RAB15: variants seen among roughly 807,000 people sequenced by gnomAD.
RAB15 encodes the protein ras-related protein Rab-15.
Under a neutral mutation model 31.8 loss-of-function variants are expected in RAB15, and 13 were observed. The observed-to-expected ratio is 0.41, with a 90% CI of 0.27 to 0.65. RAB15 has a LOEUF of 0.65. Among genes scored for constraint, RAB15 ranks in the 30% least tolerant of loss-of-function variants. The pLI is 0.32. For synonymous variants in RAB15, 100 were observed against 105.6 expected (o/e 0.95, Z 0.33); for missense variants, 220 against 277.3 (o/e 0.79, Z 1.47).
chr14:64,951,743 G>T lies in RAB15; in HGVS notation c.186-80C>A, dbSNP rs1886265956. 5 of 1,301,414 alleles carry T rather than the reference G, an allele frequency of 3.8e-6. No homozygotes were observed. In the African/African-American group the frequency reaches 4.4e-5, roughly 11 times the overall value. 80.6% of individuals were successfully genotyped at this position (1,301,414 alleles called of 1,614,324 possible). Reference sequence around the variant, plus strand: ...AGGGGAAGAGCAGAGCTGTCCCCTTGTAGGAAAAACTGGGGAGCTAAAGGG... The same window carrying T: ...AGGGGAAGAGCAGAGCTGTCCCCTTTTAGGAAAAACTGGGGAGCTAAAGGG... On this transcript the variant is annotated intron_variant, in intron 2 of 6. Transcript: ENST00000533601. The surrounding 1 kb of genome is among the most constrained non-coding windows in gnomAD (Gnocchi z 7.2).
chr14:64,953,245 G>A lies in RAB15; in HGVS notation c.125-674C>T, dbSNP rs1302905139. On this transcript the variant is annotated intron_variant, in intron 1 of 6. Transcript: ENST00000533601. This position sits in a 1 kb window ranked among gnomAD's most constrained non-coding sequence, Gnocchi z 4.6. ...TATCTCCTCCCTCTGGCCACTCATA[G>A]CTCATTGCTATAACATCAGGCACCT... Among the ~76,000 whole-genome samples the A allele has an allele frequency of 1.3e-5, 2 of 152,240 alleles. No individual in the cohort carries two copies. The highest frequency in any genetic ancestry group is 4.8e-5 in the African/African-American group (2 of 41,462).
intron 1 of RAB15, among the ~76,000 whole-genome samples, chr14:64,961,640 G>A (rs999036124): frequency 2.6e-5 from 4 of 152,134 alleles, no homozygotes; most frequent in Non-Finnish European, 5.9e-5. Context: ...AGGCATGGTG[G>A]CTCACACCTG....
rs752231438 is a variant in RAB15, at chr14:64,948,556, C to G, written c.481-44G>C. 1 of 1,600,506 alleles carries G rather than the reference C, an allele frequency of 6.2e-7. No individual in the cohort carries two copies. Among genetic ancestry groups the G allele is most frequent in the South Asian group, 1.1e-5 (1 of 88,998 alleles). ...AGGTTAGTCCAGTGTCTCCTCCTCT[C>G]CCCTGGCAACCCTGCAGCGGCCTGA... On this transcript the variant is annotated intron_variant, in intron 6 of 6. Coordinates refer to ENST00000533601, the MANE Select transcript of RAB15 (RefSeq NM_001308154.2). The surrounding 1 kb of genome is among the most constrained non-coding windows in gnomAD (Gnocchi z 7.0).
Position 64,953,691 on chromosome 14 carries a change from G to A in RAB15, c.125-1120C>T, listed in dbSNP as rs1303500562. The stretch of plus-strand genomic sequence containing the variant: ...GAGTGACAACAGAGAGATGAGGGAG[G>A]TTGTTTTGCTGACCATGCCTCTCCC... On this transcript the variant is annotated intron_variant, in intron 1 of 6. Transcript: ENST00000533601. The surrounding 1 kb of genome is among the most constrained non-coding windows in gnomAD (Gnocchi z 4.6). 1 of 583,140 alleles carries A rather than the reference G, an allele frequency of 1.7e-6. No homozygotes were observed. Among genetic ancestry groups the A allele is most frequent in the Non-Finnish European group, 2.2e-6 (1 of 462,770 alleles). 36.1% of individuals were successfully genotyped at this position (583,140 alleles called of 1,614,324 possible).
intron 5 of RAB15, among the ~76,000 whole-genome samples, chr14:64,949,335 A>G (rs1439273349): frequency 1.3e-5 from 2 of 152,226 alleles, no homozygotes; most frequent in Admixed American, 1.3e-4. Context: ...CAAACAATCA[A>G]TTTCATTTTA....
rs369973789 is a variant in RAB15, at chr14:64,950,317, C to T, written c.414+8G>A. 3 of 1,612,882 alleles carry T rather than the reference C, an allele frequency of 1.9e-6. No homozygotes were observed. The highest frequency in any genetic ancestry group is 2.2e-5 in the South Asian group (2 of 91,068). ...CCTGGGGTGGACTTGCCTTTTCCCT[C>T]CACTTACCTGCTGCCCTTGCTCTCT... On this transcript the variant is annotated splice_region_variant and intron_variant, in intron 5 of 6. Coordinates refer to ENST00000533601, the MANE Select transcript of RAB15 (RefSeq NM_001308154.2). This position sits in a 1 kb window ranked among gnomAD's most constrained non-coding sequence, Gnocchi z 5.6.
rs932327773 is a variant in RAB15, at chr14:64,953,863, G to A, written c.125-1292C>T. The stretch of plus-strand genomic sequence containing the variant: ...AGTTTTCAGATGGGAACATGGTAGA[G>A]TTCCGAACCGTCTGCCACCAGCTGC... On this transcript the variant is annotated intron_variant, in intron 1 of 6. Transcript: ENST00000533601. This position sits in a 1 kb window ranked among gnomAD's most constrained non-coding sequence, Gnocchi z 4.6. 1.8e-5 allele frequency: 18 copies of A among 985,296 alleles called. No individual in the cohort carries two copies. In the African/African-American group the frequency reaches 2.4e-4, roughly 13 times the overall value. 61.0% of individuals were successfully genotyped at this position (985,296 alleles called of 1,614,324 possible). A position where few individuals can be genotyped will look rare whatever the true frequency, so the allele number is the denominator to read the frequency against.
Position 64,952,706 on chromosome 14 carries a change from CT to C in RAB15, c.125-136del. The C allele has an allele frequency of 1.7e-6, 1 of 592,054 alleles. No individual in the cohort carries two copies. Among genetic ancestry groups the C allele is most frequent in the East Asian group, 3.1e-5 (1 of 32,528 alleles). The allele number at this position is 592,054 out of a possible 1,614,324, so 36.7% of individuals were successfully genotyped here. ...AGGGATGAAGTAATGTAAAGGCCTT[CT>C]TTAAGCAGAAACTGACCTTAAGGAA... On this transcript the variant is annotated intron_variant, in intron 1 of 6. Transcript: ENST00000533601. This position sits in a 1 kb window ranked among gnomAD's most constrained non-coding sequence, Gnocchi z 4.2.
In RAB15 at chr14:64,950,516, C is replaced by T. The variant is rs1886191337; in HGVS notation, c.325-102G>A. 9 of 1,001,054 alleles carry T rather than the reference C, an allele frequency of 9.0e-6. No individual in the cohort carries two copies. Among genetic ancestry groups the T allele is most frequent in the African/African-American group, 1.6e-5 (1 of 63,128 alleles). 62.0% of individuals were successfully genotyped at this position (1,001,054 alleles called of 1,614,324 possible). On this transcript the variant is annotated intron_variant, in intron 4 of 6. Transcript: ENST00000533601. The surrounding 1 kb of genome is among the most constrained non-coding windows in gnomAD (Gnocchi z 5.6). Reference sequence around the variant, plus strand: ...CTCCAGCCCACCACCAATTCCAGAGCCCTAGGGACAGGGTGGGCCGACTGG... The same window carrying T: ...CTCCAGCCCACCACCAATTCCAGAGTCCTAGGGACAGGGTGGGCCGACTGG...
Position 64,954,578 on chromosome 14 carries a change from T to G in RAB15, c.125-2007A>C. On this transcript the variant is annotated intron_variant, in intron 1 of 6. Coordinates refer to ENST00000533601, the MANE Select transcript of RAB15 (RefSeq NM_001308154.2). The surrounding 1 kb of genome is among the most constrained non-coding windows in gnomAD (Gnocchi z 4.3). ...ATTTATGGGAACTTCCTATGTGCCC[T>G]GCACAGTGCTCAGTGCAGACAGAGC... 1 of 945,914 alleles carries G rather than the reference T, an allele frequency of 1.1e-6. No homozygotes were observed. Among genetic ancestry groups the G allele is most frequent in the Non-Finnish European group, 1.3e-6 (1 of 793,816 alleles). The allele number at this position is 945,914 out of a possible 1,614,324, so 58.6% of individuals were successfully genotyped here.
Position 64,971,825 on chromosome 14 carries a change from A to ACTCCGGC in RAB15, c.124+121_124+127dup, listed in dbSNP as rs1463675645. 2 of 864,632 alleles carry ACTCCGGC rather than the reference A, an allele frequency of 2.3e-6. No individual in the cohort carries two copies. The highest frequency in any genetic ancestry group is 3.5e-5 in the African/African-American group (2 of 57,518). 53.6% of individuals were successfully genotyped at this position (864,632 alleles called of 1,614,324 possible). ...ATGCTCACCCCGAGATTTATCCCGGACTCCGGCCTCCGGCGCCACCGCCTC... is the reference window on the plus strand; with the variant it reads ...ATGCTCACCCCGAGATTTATCCCGGACTCCGGCCTCCGGCCTCCGGCGCCACCGCCTC... On this transcript the variant is annotated intron_variant, in intron 1 of 6. Coordinates refer to ENST00000533601, the MANE Select transcript of RAB15 (RefSeq NM_001308154.2). The surrounding 1 kb of genome is among the most constrained non-coding windows in gnomAD (Gnocchi z 4.1).
chr14:64,957,521 C>G (rs1886641145), intron 1 of RAB15, among the ~76,000 whole-genome samples: 2 of 152,156 alleles, frequency 1.3e-5, no homozygotes, highest in Admixed American at 6.5e-5. Context: ...CAGGACTCGC[C>G]CAGCCCTACT....
At chr14:64,965,873 G>A (rs568967744) in intron 1 of RAB15, among the ~76,000 whole-genome samples, 41 of 152,234 alleles carry the variant, frequency 2.7e-4, no homozygotes, top group Middle Eastern at 3.4e-3. Flanking sequence ...GCACAGCAGC[G>A]GAAACCCTCC....
rs1191000071 is a variant in RAB15, at chr14:64,950,971, G to A, written c.324+103C>T. On this transcript the variant is annotated intron_variant, in intron 4 of 6. Coordinates refer to ENST00000533601, the MANE Select transcript of RAB15 (RefSeq NM_001308154.2). The surrounding 1 kb of genome is among the most constrained non-coding windows in gnomAD (Gnocchi z 5.6). The stretch of plus-strand genomic sequence containing the variant: ...GAGGTCTTCATCCAGGGCTGTGGAA[G>A]GCAAAGCTTCCTGGAAGCATTTGCC... 1.9e-6 allele frequency: 3 copies of A among 1,613,618 alleles called. No homozygotes were observed. The Admixed American group carries it at 5.0e-5, about 27-fold the overall frequency.
At chr14:64,957,103 AT>A (rs113823879) in intron 1 of RAB15, among the ~76,000 whole-genome samples, 39,920 of 144,662 alleles carry the variant, frequency 0.28, 5,477 homozygotes, top group Non-Finnish European at 0.31. Flanking sequence ...TGCCCAGCTA[AT>A]TTTTTTTTTT....
chr14:64,960,862 C>T (rs1194684028), intron 1 of RAB15, among the ~76,000 whole-genome samples: 2 of 152,148 alleles, frequency 1.3e-5, no homozygotes, highest in Non-Finnish European at 2.9e-5. Context: ...AGAGGAAATG[C>T]CGCCCCCTGT....
In RAB15 at chr14:64,958,683, A is replaced by C. The variant is rs531386278; in HGVS notation, c.125-6112T>G. ...CTTCCTTTCTTGGGTACAGAAAGAA[A>C]TAGGGCACAGAAGTGTTAAGAAACA... is the stretch of plus-strand genomic sequence containing the variant. On this transcript the variant is annotated intron_variant, in intron 1 of 6. Coordinates refer to ENST00000533601, the MANE Select transcript of RAB15 (RefSeq NM_001308154.2). This position sits in a 1 kb window ranked among gnomAD's most constrained non-coding sequence, Gnocchi z 4.4. 2.0e-5 allele frequency among the ~76,000 whole-genome samples: 3 copies of C among 152,218 alleles called. No individual in the cohort carries two copies. Among genetic ancestry groups the C allele is most frequent in the South Asian group, 4.2e-4 (2 of 4,818 alleles).
chr14:64,946,604 G>C lies in RAB15; in HGVS notation c.*1750C>G, dbSNP rs964837923. 6.6e-6 allele frequency: 1 copy of C among 152,190 alleles called. No individual in the cohort carries two copies. The highest frequency in any genetic ancestry group is 2.4e-5 in the African/African-American group (1 of 41,436). 9.4% of individuals were successfully genotyped at this position (152,190 alleles called of 1,614,324 possible). ...AGCCACCCTCTCCTGCTGTTTTCCT[G>C]GTTTGGTAAGTCAGGAGGAAAGGTT... On this transcript the variant is annotated 3_prime_UTR_variant, in exon 7 of 7. Coordinates refer to ENST00000533601, the MANE Select transcript of RAB15 (RefSeq NM_001308154.2).
In RAB15 at chr14:64,953,695, T is replaced by C; in HGVS notation, c.125-1124A>G. On this transcript the variant is annotated intron_variant, in intron 1 of 6. Transcript: ENST00000533601. The surrounding 1 kb of genome is among the most constrained non-coding windows in gnomAD (Gnocchi z 4.6). ...GACAACAGAGAGATGAGGGAGGTTG[T>C]TTTGCTGACCATGCCTCTCCCCAAC... 1 of 680,710 alleles carries C rather than the reference T, an allele frequency of 1.5e-6. No individual in the cohort carries two copies. The highest frequency in any genetic ancestry group is 1.8e-6 in the Non-Finnish European group (1 of 551,708). 42.2% of individuals were successfully genotyped at this position (680,710 alleles called of 1,614,324 possible).
Sources: gnomAD v4.1 joint callset for allele counts (sites outside exome capture counted in the v4.1 genomes callset) on GRCh38, gnomAD v4.1.1 for gene constraint, Gnocchi (gnomAD v3.1) non-coding constraint, MANE v1.5 for transcripts, NCBI Gene and HGNC (gene_info 2026-07-23, HGNC 2026-07-21) for gene names.